Variants in RTL4 observed in about 807,000 individuals in gnomAD.
RTL4 encodes retrotransposon Gag-like protein 4.
In RTL4, 4 loss-of-function variants were observed where a neutral mutation model predicts 5.3. The observed-to-expected ratio is 0.75, with a 90% CI of 0.37 to 1.72. RTL4 has a LOEUF of 1.72. Among genes scored for constraint, RTL4 ranks in the 40% most tolerant of loss-of-function variants. RTL4 has a pLI of 0.04. For synonymous variants in RTL4, 98 were observed against 87.3 expected, an observed-to-expected ratio of 1.12 and a Z score of -0.68; for missense variants, 260 against 227.1, an observed-to-expected ratio of 1.14 and a Z score of -0.93.
the RTL4 span, among the ~76,000 whole-genome samples, chrX:112,427,123 A>G: frequency 9.0e-6 from 1 of 111,404 alleles, no homozygotes; most frequent in South Asian, 3.8e-4. Flanking sequence ...AAAACCAGAT[A>G]AAGTCATTAC....
At chrX:112,138,727 A>G in the RTL4 span, among the ~76,000 whole-genome samples, 100 of 111,951 alleles carry the variant, frequency 8.9e-4, no homozygotes, top group African/African-American at 3.1e-3. Flanking sequence ...AGCTTTATAT[A>G]CAATAAATCT....
chrX:112,225,760 A>G, the RTL4 span, among the ~76,000 whole-genome samples: 1 of 111,918 alleles, frequency 8.9e-6, no homozygotes, highest in African/African-American at 3.3e-5. Flanking sequence ...ATTCTGATGC[A>G]TACCTAAGTT....
At chrX:112,408,663 A>G in the RTL4 span, among the ~76,000 whole-genome samples, 2 of 111,650 alleles carry the variant, frequency 1.8e-5, no homozygotes, top group African/African-American at 6.5e-5. Context: ...GTACAAAAAG[A>G]TGATAGAACA....
the RTL4 span, among the ~76,000 whole-genome samples, chrX:112,385,711 A>T: frequency 9.0e-6 from 1 of 111,354 alleles, no homozygotes; most frequent in African/African-American, 3.3e-5. Flanking sequence ...TGGATATAAC[A>T]TTTTTTTCTG....
chrX:112,117,181 A>G, the RTL4 span, among the ~76,000 whole-genome samples: 17,170 of 107,660 alleles, frequency 0.16, 2,300 homozygotes, highest in African/African-American at 0.43. Context: ...TATATGGTAA[A>G]TACACTATTT....
At chrX:112,109,993 G>A in the RTL4 span, among the ~76,000 whole-genome samples, 19 of 111,947 alleles carry the variant, frequency 1.7e-4, no homozygotes, top group East Asian at 5.6e-4. Flanking sequence ...CTTGATCCTG[G>A]AGGAAACAGA....
the RTL4 span, among the ~76,000 whole-genome samples, chrX:112,169,018 TTCTCTTTC>T: frequency 1.7e-4 from 14 of 82,572 alleles, no homozygotes; most frequent in Non-Finnish European, 2.1e-4. Flanking sequence ...CTTTCTTTCT[TTCTCTTTC>T]TCTTTCTTTC....
At chrX:112,298,708 T>C in the RTL4 span, among the ~76,000 whole-genome samples, 1 of 112,858 alleles carries the variant, frequency 8.9e-6, no homozygotes, top group South Asian at 3.6e-4. Context: ...CCAACAGTTG[T>C]AGCCCCAGTG....
the RTL4 span, among the ~76,000 whole-genome samples, chrX:112,434,801 C>T: frequency 3.6e-5 from 4 of 111,505 alleles, no homozygotes; most frequent in African/African-American, 1.3e-4. Context: ...ATCTCTTCGG[C>T]ATCAGCTTAG....
At chrX:112,204,316 C>T in the RTL4 span, among the ~76,000 whole-genome samples, 2 of 111,889 alleles carry the variant, frequency 1.8e-5, no homozygotes, top group African/African-American at 6.5e-5. Flanking sequence ...TCATTGCTGG[C>T]TATATACCCA....
the RTL4 span, among the ~76,000 whole-genome samples, chrX:112,179,223 C>A: frequency 9.0e-6 from 1 of 110,853 alleles, no homozygotes; most frequent in Admixed American, 9.6e-5. Context: ...GAGAATAAAT[C>A]AAGTAAGGCT....
At chrX:112,099,208 T>C in the RTL4 span, among the ~76,000 whole-genome samples, 14 of 111,491 alleles carry the variant, frequency 1.3e-4, no homozygotes, top group Non-Finnish European at 2.6e-4. Context: ...AACAACCCCA[T>C]CAAAAAGTGG....
the RTL4 span, among the ~76,000 whole-genome samples, chrX:112,438,377 G>A: frequency 1.8e-5 from 2 of 111,851 alleles, no homozygotes; most frequent in Non-Finnish European, 3.8e-5. Flanking sequence ...GAACTTCGAG[G>A]CAACAGTACT....
chrX:112,346,027 CTCTG>C, the RTL4 span, among the ~76,000 whole-genome samples: 2 of 111,831 alleles, frequency 1.8e-5, no homozygotes, highest in Non-Finnish European at 3.8e-5. Context: ...GTGTGTCTCT[CTCTG>C]TCTCTGACAT....
the RTL4 span, among the ~76,000 whole-genome samples, chrX:112,376,754 C>A: frequency 1.3e-3 from 151 of 112,052 alleles, 6 homozygotes; most frequent in Non-Finnish European, 1.1e-3. Context: ...CGGTATATGG[C>A]CACTGAACTG....
the RTL4 span, among the ~76,000 whole-genome samples, chrX:112,401,480 A>C: frequency 8.9e-6 from 1 of 111,803 alleles, no homozygotes; most frequent in East Asian, 2.8e-4. Flanking sequence ...GCACTTTTTA[A>C]GGTGTCAAAA....
chrX:112,173,640 G>A, the RTL4 span, among the ~76,000 whole-genome samples: 2 of 110,496 alleles, frequency 1.8e-5, no homozygotes, highest in Admixed American at 9.6e-5. Context: ...TAAGCATGTC[G>A]GGGAGTTTGC....
the RTL4 span, among the ~76,000 whole-genome samples, chrX:112,390,433 C>A: frequency 5.7e-5 from 6 of 105,394 alleles, no homozygotes; most frequent in East Asian, 1.8e-3. Flanking sequence ...GCCTGGGTGA[C>A]ACGGTGAGAC....
At chrX:112,341,505 A>G in the RTL4 span, among the ~76,000 whole-genome samples, 1 of 111,739 alleles carries the variant, frequency 8.9e-6, no homozygotes, top group Non-Finnish European at 1.9e-5. Context: ...CTTTTGGTGT[A>G]TGCTAAAGTT....
Sources: gnomAD v4.1 joint callset for allele counts (sites outside exome capture counted in the v4.1 genomes callset) on GRCh38, gnomAD v4.1.1 for gene constraint, MANE v1.5 for transcripts, NCBI Gene and HGNC (gene_info 2026-07-23, HGNC 2026-07-21) for gene names.